The following SORCS1 variants were observed in gnomAD, a reference collection of about 807,000 sequenced individuals.
SORCS1 encodes VPS10 domain-containing receptor SorCS1.
In SORCS1, 60 loss-of-function variants were observed where a neutral mutation model predicts 146.1. The observed-to-expected ratio is 0.41, with a 90% CI of 0.33 to 0.51. The LOEUF (loss-of-function observed/expected upper bound fraction) is 0.51, where lower values mean the gene tolerates loss of function less well. Ranked by LOEUF, SORCS1 falls within the 20% of genes least tolerant of loss-of-function variation. The pLI is 0.21. For synonymous variants in SORCS1, 637 were observed against 584.0 expected (o/e 1.09, Z -1.31); for missense variants, 1,352 against 1,487.6 (o/e 0.91, Z 1.50).
At chr10:106,735,146 CAAAAAAA>C (rs56273269) in intron 5 of SORCS1, among the ~76,000 whole-genome samples, 1 of 128,694 alleles carries the variant, frequency 7.8e-6, no homozygotes, top group Non-Finnish European at 1.6e-5. Flanking sequence ...GACTCCATCT[CAAAAAAA>C]AAAAAAAAAT....
intron 5 of SORCS1, among the ~76,000 whole-genome samples, chr10:106,759,857 T>C (rs113985893): frequency 4.6e-4 from 70 of 152,308 alleles, no homozygotes; most frequent in African/African-American, 1.6e-3. Context: ...AATCTATATT[T>C]TTAGAGCAAA....
chr10:106,599,434 G>A (rs778106203), intron 23 of SORCS1, among the ~76,000 whole-genome samples: 15 of 151,784 alleles, frequency 9.9e-5, no homozygotes, highest in Non-Finnish European at 2.2e-4. Flanking sequence ...AAGTGGAGAA[G>A]TGGATTTCTA....
In SORCS1 at chr10:106,922,928, C is replaced by T. The variant is rs2138432564; in HGVS notation, c.626+33585G>A. Among the ~76,000 whole-genome samples the T allele has an allele frequency of 2.0e-5, 3 of 150,502 alleles. No homozygotes were observed. In the Middle Eastern group the frequency reaches 0.01, roughly 512 times the overall value. ...TTTTTGACATGGAGTCTCGCTCTGTCCCCAGGCTGGAGTGTGGTGGCGCAA... is the reference window on the plus strand; with the variant it reads ...TTTTTGACATGGAGTCTCGCTCTGTTCCCAGGCTGGAGTGTGGTGGCGCAA... On this transcript the variant is annotated intron_variant, in intron 2 of 25. Transcript: ENST00000263054.
intron 8 of SORCS1, among the ~76,000 whole-genome samples, chr10:106,705,808 A>G (rs1854476094): frequency 6.6e-6 from 1 of 152,194 alleles, no homozygotes; most frequent in South Asian, 2.1e-4. Flanking sequence ...TTCTGGAAAG[A>G]CAGCCTGGGG....
chr10:106,714,247 G>A (rs1327591010), intron 6 of SORCS1, among the ~76,000 whole-genome samples: 1 of 139,938 alleles, frequency 7.1e-6, no homozygotes, highest in Non-Finnish European at 1.5e-5. Context: ...CAACAACAAA[G>A]ATATTTATCA....
intron 2 of SORCS1, among the ~76,000 whole-genome samples, chr10:106,922,880 T>C (rs947438846): frequency 6.5e-5 from 9 of 137,758 alleles, no homozygotes; most frequent in Middle Eastern, 3.8e-3. Context: ...ATGACAACCA[T>C]GCAGCCTTTT....
In SORCS1 at chr10:106,688,293, T is replaced by G; in HGVS notation, c.1459A>C (p.Asn487His). The G allele has an allele frequency of 6.2e-7, 1 of 1,614,020 alleles. No homozygotes were observed. The highest frequency in any genetic ancestry group is 2.2e-5 in the East Asian group (1 of 44,862). Residue 487 changes from asparagine (N) to histidine (H), a missense_variant, in exon 10 of 26, where the codon AAC becomes CAC. Around this residue, in one of 3 missense-constraint regions of SORCS1, gnomAD observed 648 missense variants for 793.8 expected, o/e 0.82. Coordinates refer to ENST00000263054, the MANE Select transcript of SORCS1 (RefSeq NM_052918.5). ...TATGTGATGAAAGTCTTCACTTGGT[T>G]GTCAATCTTCTTGTTAGCCAAGAAC... The part of the protein sequence containing the change: ...GMFLANKKID[N>H]QVKTFITYNK...
intron 1 of SORCS1, among the ~76,000 whole-genome samples, chr10:107,139,929 GTA>G (rs1223209354): frequency 1.3e-5 from 2 of 152,184 alleles, no homozygotes; most frequent in Non-Finnish European, 2.9e-5. Context: ...AAATTGAGAT[GTA>G]GAGTGTTTAA....
intron 1 of SORCS1, among the ~76,000 whole-genome samples, chr10:106,962,394 C>CA (rs60616146): frequency 0.43 from 26,729 of 62,714 alleles, 6,059 homozygotes; most frequent in Non-Finnish European, 0.53. Flanking sequence ...AACTCCATCT[C>CA]AAAAAAAAAA....
At chr10:106,809,404 A>G (rs886368866) in intron 3 of SORCS1, among the ~76,000 whole-genome samples, 5 of 152,024 alleles carry the variant, frequency 3.3e-5, no homozygotes, top group Admixed American at 1.3e-4. Flanking sequence ...GCATGATCCA[A>G]TCTGTACTGG....
rs529616968 is a variant in SORCS1 at position 106,951,526 on chromosome 10, A to C, written c.626+4987T>G. On this transcript the variant is annotated intron_variant, in intron 2 of 25. Coordinates refer to ENST00000263054, the MANE Select transcript of SORCS1 (RefSeq NM_052918.5). ...GACTCCGTCTCTGAAAAAAAAAAAA[A>C]AAAACGGAACACCTGGAGGACAGAG... 2.6e-4 allele frequency among the ~76,000 whole-genome samples: 39 copies of C among 151,824 alleles called. No individual in the cohort carries two copies. In the East Asian group the frequency reaches 7.2e-3, roughly 28 times the overall value.
intron 23 of SORCS1, among the ~76,000 whole-genome samples, chr10:106,598,274 A>ATTATTG (rs1392079547): frequency 1.4e-4 from 20 of 146,038 alleles, no homozygotes; most frequent in Admixed American, 1.0e-3. Flanking sequence ...TATTATTATT[A>ATTATTG]TTATTTGAGA....
At chr10:106,939,417 T>C (rs1316754217) in intron 2 of SORCS1, among the ~76,000 whole-genome samples, 3 of 152,238 alleles carry the variant, frequency 2.0e-5, no homozygotes, top group African/African-American at 7.2e-5. Flanking sequence ...AATGTTCTCA[T>C]TCAAAAGGGG....
chr10:106,971,616 T>C (rs1955789493), intron 1 of SORCS1, among the ~76,000 whole-genome samples: 1 of 152,258 alleles, frequency 6.6e-6, no homozygotes, highest in Non-Finnish European at 1.5e-5. Flanking sequence ...GCTGTGTAAC[T>C]CTTTTGTGAG....
chr10:106,724,353 CA>C (rs1161640597), intron 6 of SORCS1, among the ~76,000 whole-genome samples: 1 of 151,452 alleles, frequency 6.6e-6, no homozygotes, highest in African/African-American at 2.4e-5. Context: ...CTAAAAATAC[CA>C]AAATTAGCTG....
intron 5 of SORCS1, among the ~76,000 whole-genome samples, chr10:106,737,875 A>G (rs565907976): frequency 3.9e-4 from 59 of 152,328 alleles, no homozygotes; most frequent in African/African-American, 1.4e-3. Flanking sequence ...AAAGCTTAAA[A>G]TATTTTTAAT....
intron 2 of SORCS1, among the ~76,000 whole-genome samples, chr10:106,897,908 T>A (rs1422026621): frequency 6.6e-6 from 1 of 152,236 alleles, no homozygotes; most frequent in Admixed American, 6.5e-5. Context: ...CCTGACTTGT[T>A]AAGGTTCCTA....
chr10:107,147,979 G>T (rs1362973290), intron 1 of SORCS1, among the ~76,000 whole-genome samples: 1 of 152,186 alleles, frequency 6.6e-6, no homozygotes, highest in East Asian at 1.9e-4. Flanking sequence ...TCCAAATGAG[G>T]ACTTAAATAA....
At chr10:106,818,201 C>T (rs760805273) in intron 3 of SORCS1, among the ~76,000 whole-genome samples, 4 of 152,212 alleles carry the variant, frequency 2.6e-5, no homozygotes, top group South Asian at 2.1e-4. Context: ...AAGATACATG[C>T]TGAATATATC....
Sources: allele counts gnomAD v4.1 joint callset (sites outside exome capture counted in the v4.1 genomes callset), GRCh38; gene constraint gnomAD v4.1.1; regional missense constraint gnomAD v4.1.1; transcripts MANE v1.5; gene names NCBI Gene and HGNC (gene_info 2026-07-23, HGNC 2026-07-21).